PZP: variants seen among roughly 807,000 people sequenced by gnomAD.
PZP encodes pregnancy zone protein.
Under a neutral mutation model 179.8 loss-of-function variants are expected in PZP, and 150 were observed. The observed-to-expected ratio is 0.83, with a 90% confidence interval of 0.73 to 0.96. The LOEUF is 0.96. Among genes scored for constraint, PZP ranks in the 40% least tolerant of loss-of-function variants. PZP has a pLI of 0.00. For missense variants in PZP, 1,689 were observed against 1,764.0 expected (o/e 0.96, Z 0.76); for synonymous variants, 624 against 652.3 (o/e 0.96, Z 0.66).
At position 9,194,135 on chromosome 12, in the gene PZP, C is replaced by A. The variant is rs757606773; in HGVS notation, c.1196G>T (p.Gly399Val). 6.2e-6 allele frequency: 10 copies of A among 1,613,986 alleles called. No individual in the cohort carries two copies. The highest frequency in any genetic ancestry group is 8.5e-6 in the Non-Finnish European group (10 of 1,179,960). ...AGTATTGATTGAAAACTGTGCAAGA[C>A]CCTGCTCATTGGTGGTTGCATTGGA... ...YYSNATTNEQGLAQFSINTTS... is the reference protein window; with the variant it reads ...YYSNATTNEQVLAQFSINTTS... The change falls in exon 11 of 36, where the codon GGT (glycine) becomes GTT (valine). Residue 399 changes from glycine (G) to valine (V), a missense_variant. Physicochemically the swap from Gly to Val is moderately radical, Grantham distance 109. Around this residue, in one of 3 missense-constraint regions of PZP, gnomAD observed 742 missense variants for 730.5 expected, o/e 1.02. Transcript: ENST00000261336.
intron 28 of PZP, among the ~76,000 whole-genome samples, chr12:9,156,609 G>T (rs1256185430): frequency 4.6e-5 from 7 of 152,148 alleles, no homozygotes; most frequent in Non-Finnish European, 1.0e-4. Flanking sequence ...GAATCTATTT[G>T]TCTATTATAT....
At chr12:9,166,259 A>C in intron 17 of PZP, 57 bp from the exon 18 acceptor site, 1 of 1,559,672 alleles carries the variant, frequency 6.4e-7, no homozygotes, top group South Asian at 1.2e-5. Flanking sequence ...TTCATGGTGC[A>C]CATGTGAGAC....
chr12:9,181,158 C>T (rs1942736482), intron 14 of PZP, 26 bp from the exon 15 acceptor site: 1 of 1,613,744 alleles, frequency 6.2e-7, no homozygotes, highest in South Asian at 1.1e-5. Flanking sequence ...GAAACGTCAA[C>T]CAGTGTTTTC....
At chr12:9,207,556 T>C (rs778996644) in intron 1 of PZP, among the ~76,000 whole-genome samples, 7 of 152,174 alleles carry the variant, frequency 4.6e-5, no homozygotes, top group African/African-American at 1.4e-4. Flanking sequence ...GAGAGGACTG[T>C]TGGGTCCTGA....
chr12:9,175,008 A>G (rs760875337), intron 15 of PZP, among the ~76,000 whole-genome samples: 2 of 152,334 alleles, frequency 1.3e-5, no homozygotes, highest in South Asian at 4.1e-4. Context: ...TGCCAAGACA[A>G]TTCTAAGCAA....
At chr12:9,164,897 G>A (rs1440351896) in intron 19 of PZP, among the ~76,000 whole-genome samples, 1 of 152,190 alleles carries the variant, frequency 6.6e-6, no homozygotes, top group Non-Finnish European at 1.5e-5. Flanking sequence ...AAAGAATTCT[G>A]CAAGCGCTAA....
At chr12:9,158,211 TCC>T (rs1034911581) in intron 26 of PZP, among the ~76,000 whole-genome samples, 31 of 152,334 alleles carry the variant, frequency 2.0e-4, no homozygotes, top group African/African-American at 7.5e-4. Flanking sequence ...TGCCTTGGCC[TCC>T]CAAAGTGCTG....
intron 10 of PZP, 139 bp downstream of exon 10, chr12:9,196,191 A>G: frequency 1.8e-6 from 1 of 552,252 alleles, no homozygotes; most frequent in Non-Finnish European, 3.2e-6. Context: ...TTAGAAAGGA[A>G]AGTATTTCTC....
chr12:9,162,457 C>T, intron 22 of PZP, 140 bp downstream of exon 22: 2 of 647,954 alleles, frequency 3.1e-6, no homozygotes, highest in Non-Finnish European at 5.3e-6. Context: ...GTAAAACATA[C>T]ATAAAGAAAT....
chr12:9,150,581 A>C, intron 34 of PZP, 63 bp downstream of exon 34: 1 of 1,092,740 alleles, frequency 9.2e-7, no homozygotes, highest in Non-Finnish European at 1.4e-6. Flanking sequence ...AAGAGGATCA[A>C]CTGTCACAAC....
chr12:9,158,576 C>T lies in PZP; in HGVS notation c.3138G>A (p.Trp1046Ter). The T allele has an allele frequency of 6.2e-7, 1 of 1,613,820 alleles. No homozygotes were observed. The highest frequency in any genetic ancestry group is 8.5e-7 in the Non-Finnish European group (1 of 1,179,856). Residue 1046 changes from tryptophan to a stop codon, truncating the protein, a stop_gained and splice_region_variant, in exon 26 of 36, where the codon TGG becomes TGA. Transcript: ENST00000261336. LOFTEE classifies it high-confidence loss of function. The part of the protein sequence containing the change: ...ERYGRNQGNT[W>*]LTAFVLKTFA... ...AAGTCTTCAGTACAAAAGCTGTGAG[C>T]CTAGGGGGAGGAAAAATGCAGTGCT... is the stretch of plus-strand genomic sequence containing the variant.
At chr12:9,196,492 T>A in intron 9 of PZP, 53 bp from the exon 10 acceptor site, 1 of 1,574,896 alleles carries the variant, frequency 6.3e-7, no homozygotes, top group Non-Finnish European at 8.7e-7. Context: ...TCATAAAATT[T>A]CTTTCTTACA....
rs779091715 is a variant in PZP, at chr12:9,163,759, G to T, written c.2645C>A (p.Ala882Glu). ...TCCACAGAGTTCTAAGGACTGCATT[G>T]CCTCTGCACTCACTGAGAAGTTCAC... ...GNVNFSVSAE[A>E]MQSLELCGNE... The change falls in exon 21 of 36, where the codon GCA becomes GAA. Residue 882 changes from alanine (A) to glutamate (E), a missense_variant. Coordinates refer to ENST00000261336, the MANE Select transcript of PZP (RefSeq NM_002864.3). The T allele has an allele frequency of 2.5e-6, 4 of 1,612,866 alleles. No homozygotes were observed. The Admixed American group carries it at 5.0e-5, about 20-fold the overall frequency.
intron 1 of PZP, among the ~76,000 whole-genome samples, chr12:9,207,487 A>C (rs1382047905): frequency 6.6e-6 from 1 of 152,230 alleles, no homozygotes; most frequent in African/African-American, 2.4e-5. Flanking sequence ...TATTTGAGGC[A>C]GGATGCAAAG....
At chr12:9,142,768 A>G in the PZP span, among the ~76,000 whole-genome samples, 1 of 152,236 alleles carries the variant, frequency 6.6e-6, no homozygotes, top group South Asian at 2.1e-4. Flanking sequence ...AGGGCCTAAT[A>G]AACAAGTAAA....
At chr12:9,171,074 A>C (rs1186421980) in intron 15 of PZP, among the ~76,000 whole-genome samples, 1 of 152,212 alleles carries the variant, frequency 6.6e-6, no homozygotes, top group Non-Finnish European at 1.5e-5. Context: ...GAGGGTCTCC[A>C]GCCACCTCCA....
Position 9,151,588 on chromosome 12 carries a change from A to C in PZP, c.4281+16T>G. 6.2e-7 allele frequency: 1 copy of C among 1,609,578 alleles called. No individual in the cohort carries two copies. Among genetic ancestry groups the C allele is most frequent in the Non-Finnish European group, 8.5e-7 (1 of 1,176,486 alleles). On this transcript the variant is annotated intron_variant, in intron 33 of 35. Transcript: ENST00000261336. ...CGACCCATATGTAGTCTCAGCCAGG[A>C]TGTCAGAGCCCTCACCTGTTCCACA... is the stretch of plus-strand genomic sequence containing the variant.
intron 1 of PZP, among the ~76,000 whole-genome samples, chr12:9,205,667 A>G (rs1434166923): frequency 6.6e-6 from 1 of 152,212 alleles, no homozygotes; most frequent in Non-Finnish European, 1.5e-5. Context: ...GGCCATTTAT[A>G]GAGTAAATTT....
intron 2 of PZP, among the ~76,000 whole-genome samples, chr12:9,203,353 T>C (rs76635216): frequency 6.8e-5 from 10 of 146,626 alleles, no homozygotes; most frequent in African/African-American, 2.6e-4. Flanking sequence ...TTTTTTTTTT[T>C]TTTTTTGAGA....
Sources: allele counts gnomAD v4.1 joint callset (sites outside exome capture counted in the v4.1 genomes callset), GRCh38; gene constraint gnomAD v4.1.1; regional missense constraint gnomAD v4.1.1; transcripts MANE v1.5; gene names NCBI Gene and HGNC (gene_info 2026-07-23, HGNC 2026-07-21).